ROBO1: variants seen among roughly 807,000 people sequenced by gnomAD.
The protein encoded by ROBO1 is roundabout guidance receptor 1, also known as roundabout homolog 1.
A neutral mutation model predicts 195.9 loss-of-function variants in ROBO1; 149 were observed. The observed-to-expected ratio is 0.76, with a 90% CI of 0.67 to 0.87. The LOEUF is 0.87. ROBO1 is among the 40% of genes least tolerant of loss of function. The probability of loss-of-function intolerance (pLI) is 0.00; values close to 1 mark genes in which losing one functional copy is unlikely to be tolerated. For missense variants in ROBO1, 1,933 were observed against 2,068.3 expected (o/e 0.93, Z 1.27); for synonymous variants, 816 against 733.2 (o/e 1.11, Z -1.82).
intron 2 of ROBO1, among the ~76,000 whole-genome samples, chr3:79,481,891 CAAG>C (rs928379878): frequency 1.3e-5 from 2 of 151,928 alleles, no homozygotes; most frequent in African/African-American, 2.4e-5. Context: ...TTATGTGAAA[CAAG>C]AGATTTACAG....
chr3:79,722,410 C>CA (rs1702745446), intron 1 of ROBO1, among the ~76,000 whole-genome samples: 1 of 152,076 alleles, frequency 6.6e-6, no homozygotes, highest in Non-Finnish European at 1.5e-5. Flanking sequence ...GCCTTGTACC[C>CA]AAAAAAAGTT....
chr3:78,600,915 C>A (rs533281784), intron 29 of ROBO1, among the ~76,000 whole-genome samples: 1 of 152,154 alleles, frequency 6.6e-6, no homozygotes, highest in Non-Finnish European at 1.5e-5. Flanking sequence ...TCAACCTCCA[C>A]GTCAATGTCC....
intron 1 of ROBO1, among the ~76,000 whole-genome samples, chr3:79,750,756 A>G (rs1442397191): frequency 6.6e-6 from 1 of 152,178 alleles, no homozygotes; most frequent in Non-Finnish European, 1.5e-5. Context: ...GTGGAAGTGT[A>G]AGTCCATTAA....
intron 2 of ROBO1, among the ~76,000 whole-genome samples, chr3:79,149,488 G>A (rs887680444): frequency 2.0e-5 from 3 of 151,380 alleles, no homozygotes; most frequent in Non-Finnish European, 3.0e-5. Flanking sequence ...TGGTTCTGAC[G>A]CTTATTCAGT....
chr3:79,182,802 G>A (rs74902553), intron 2 of ROBO1, among the ~76,000 whole-genome samples: 6 of 152,022 alleles, frequency 3.9e-5, no homozygotes, highest in South Asian at 4.1e-4. Context: ...TACATAGGCC[G>A]GGTGTAGTGG....
chr3:78,716,444 C>A (rs2081905053), intron 7 of ROBO1, among the ~76,000 whole-genome samples: 1 of 152,078 alleles, frequency 6.6e-6, no homozygotes, highest in African/African-American at 2.4e-5. Flanking sequence ...CTCATGAGAA[C>A]TCACTCACTA....
At chr3:78,697,184 T>G (rs1363306015) in intron 8 of ROBO1, among the ~76,000 whole-genome samples, 1 of 149,816 alleles carries the variant, frequency 6.7e-6, no homozygotes, top group Admixed American at 6.7e-5. Flanking sequence ...TATACATTGC[T>G]CAGACAGTAA....
chr3:79,225,183 A>T (rs1380158169), intron 2 of ROBO1, among the ~76,000 whole-genome samples: 3 of 151,524 alleles, frequency 2.0e-5, no homozygotes, highest in East Asian at 1.9e-4. Context: ...AAATAATAAT[A>T]AAAAAAAATC....
intron 3 of ROBO1, among the ~76,000 whole-genome samples, chr3:78,981,123 CA>C (rs1169075032): frequency 6.6e-6 from 1 of 152,106 alleles, no homozygotes; most frequent in Non-Finnish European, 1.5e-5. Context: ...TCGACTTTCC[CA>C]AGCTCACATG....
chr3:79,322,625 T>C (rs2034031619), intron 2 of ROBO1, among the ~76,000 whole-genome samples: 1 of 152,150 alleles, frequency 6.6e-6, no homozygotes, highest in Non-Finnish European at 1.5e-5. Context: ...TAACTCAAAA[T>C]TTATTTCCTA....
At chr3:79,036,449 T>C (rs1017287263) in intron 3 of ROBO1, among the ~76,000 whole-genome samples, 13 of 152,172 alleles carry the variant, frequency 8.5e-5, no homozygotes, top group East Asian at 3.8e-4. Flanking sequence ...GTAGAATATA[T>C]ACTGCCTTTC....
intron 1 of ROBO1, among the ~76,000 whole-genome samples, chr3:79,701,378 T>C (rs1029939977): frequency 4.0e-4 from 61 of 151,894 alleles, no homozygotes; most frequent in Non-Finnish European, 5.6e-4. Context: ...TATCCTTTTT[T>C]CTATCCTATT....
chr3:78,968,271 CTT>C (rs35361494), intron 3 of ROBO1, among the ~76,000 whole-genome samples: 104 of 119,408 alleles, frequency 8.7e-4, no homozygotes, highest in East Asian at 1.7e-3. Flanking sequence ...TGTATAGATT[CTT>C]TTTTTTTTTT....
chr3:79,261,125 C>G (rs528810855), intron 2 of ROBO1, among the ~76,000 whole-genome samples: 1 of 151,974 alleles, frequency 6.6e-6, no homozygotes, highest in African/African-American at 2.4e-5. Context: ...GTTTCACTTA[C>G]AGTTGATTTT....
At chr3:79,702,396 A>G (rs1328975198) in intron 1 of ROBO1, among the ~76,000 whole-genome samples, 1 of 151,886 alleles carries the variant, frequency 6.6e-6, no homozygotes, top group Non-Finnish European at 1.5e-5. Context: ...TTCACATAAT[A>G]TAATTGACAA....
chr3:79,159,865 A>G (rs2080924428), intron 2 of ROBO1, among the ~76,000 whole-genome samples: 2 of 152,034 alleles, frequency 1.3e-5, no homozygotes, highest in South Asian at 4.1e-4. Context: ...GTCAAAGCCA[A>G]TGAGGCATGA....
chr3:79,103,932 T>C (rs1357705831), intron 3 of ROBO1, among the ~76,000 whole-genome samples: 1 of 151,768 alleles, frequency 6.6e-6, no homozygotes, highest in Non-Finnish European at 1.5e-5. Flanking sequence ...AATATTATAT[T>C]TGGTCAGGGA....
At chr3:78,966,755 C>T (rs1281039066) in intron 3 of ROBO1, among the ~76,000 whole-genome samples, 3 of 152,198 alleles carry the variant, frequency 2.0e-5, no homozygotes, top group Non-Finnish European at 4.4e-5. Flanking sequence ...AATTATTTCA[C>T]ATTTTAAATA....
chr3:79,578,019 C>A lies in ROBO1; in HGVS notation c.88+11805G>T, dbSNP rs574282565. Among the ~76,000 whole-genome samples, 32 of 151,888 alleles carry A rather than the reference C, an allele frequency of 2.1e-4. No individual in the cohort carries two copies. In the South Asian group the frequency reaches 4.4e-3, roughly 21 times the overall value. On this transcript the variant is annotated intron_variant, in intron 2 of 30. Coordinates refer to ENST00000464233, the MANE Select transcript of ROBO1 (RefSeq NM_002941.4). The stretch of plus-strand genomic sequence containing the variant: ...AAAAAGTCTGAACAAATAAATACCT[C>A]ACCAAAGAACAAATACAGATGACAC...
Sources: allele counts gnomAD v4.1 joint callset (sites outside exome capture counted in the v4.1 genomes callset), GRCh38; gene constraint gnomAD v4.1.1; transcripts MANE v1.5; gene names NCBI Gene and HGNC (gene_info 2026-07-23, HGNC 2026-07-21).